Variants in SLC8A3 observed in about 807,000 individuals in gnomAD.
SLC8A3 encodes solute carrier family 8 member A3, also known as sodium/calcium exchanger 3.
A neutral mutation model predicts 65.4 loss-of-function variants in SLC8A3; 37 were observed. That is an observed-to-expected ratio of 0.57 (90% confidence interval 0.44 to 0.74). The LOEUF (loss-of-function observed/expected upper bound fraction) is 0.74, where lower values mean the gene tolerates loss of function less well. SLC8A3 is among the 30% of genes least tolerant of loss of function. SLC8A3 has a pLI of 0.00. For missense variants in SLC8A3, 1,112 were observed against 1,172.1 expected (o/e 0.95, Z 0.75); for synonymous variants, 461 against 444.5 (o/e 1.04, Z -0.47).
chr14:70,165,085 A>G (rs1038741067), intron 2 of SLC8A3, among the ~76,000 whole-genome samples: 3 of 152,220 alleles, frequency 2.0e-5, no homozygotes, highest in African/African-American at 4.8e-5. Context: ...GCTTATGTCT[A>G]TGGTTCAGAA....
chr14:70,095,212 T>A (rs1892087335), intron 2 of SLC8A3, among the ~76,000 whole-genome samples: 1 of 152,202 alleles, frequency 6.6e-6, no homozygotes, highest in African/African-American at 2.4e-5. Context: ...GCAAAGAGCT[T>A]TCTTTCATAA....
intron 2 of SLC8A3, among the ~76,000 whole-genome samples, chr14:70,089,723 G>A (rs1193012724): frequency 8.5e-5 from 13 of 152,162 alleles, no homozygotes; most frequent in African/African-American, 2.7e-4. Flanking sequence ...TCATTACACC[G>A]TCGAGCCATT....
chr14:70,084,141 T>C (rs1237310743), intron 2 of SLC8A3, among the ~76,000 whole-genome samples: 2 of 152,218 alleles, frequency 1.3e-5, no homozygotes, highest in African/African-American at 4.8e-5. Context: ...AACTAATTGC[T>C]GTTGTTGTGA....
chr14:70,118,408 C>A (rs1193732676), intron 2 of SLC8A3, among the ~76,000 whole-genome samples: 2 of 152,174 alleles, frequency 1.3e-5, no homozygotes, highest in African/African-American at 4.8e-5. Context: ...GGAACCTACC[C>A]AAATAAGCTC....
chr14:70,155,151 C>T (rs991670799), intron 2 of SLC8A3, among the ~76,000 whole-genome samples: 4 of 152,054 alleles, frequency 2.6e-5, no homozygotes, highest in African/African-American at 4.8e-5. Flanking sequence ...AAACTCCTGA[C>T]CTTAGGTGAT....
chr14:70,066,542 G>A (rs527661642), intron 2 of SLC8A3, among the ~76,000 whole-genome samples: 1 of 152,234 alleles, frequency 6.6e-6, no homozygotes, highest in Admixed American at 6.5e-5. Context: ...CCAGCGCGGT[G>A]CCTCACACCT....
intron 1 of SLC8A3, among the ~76,000 whole-genome samples, chr14:70,171,429 A>G (rs1897524729): frequency 1.3e-5 from 2 of 152,226 alleles, no homozygotes; most frequent in Admixed American, 1.3e-4. Flanking sequence ...GCAATGTGCT[A>G]TCATATGATC....
chr14:70,185,851 T>C (rs527595027), intron 1 of SLC8A3, among the ~76,000 whole-genome samples: 15 of 152,346 alleles, frequency 9.8e-5, no homozygotes, highest in African/African-American at 3.4e-4. Flanking sequence ...TGAGTGTTTA[T>C]GAGAAAAGGG....
Position 70,168,089 on chromosome 14 carries a change from C to T in SLC8A3, c.334G>A (p.Val112Met). The stretch of plus-strand genomic sequence containing the variant: ...TCTCCATTGGGTTTCTTAATTGTCA[C>T]CTCCCTCTCTTGAGAGGTGATGACT... ...IEVITSQERE[V>M]TIKKPNGETS... The change falls in exon 2 of 7, where the codon GTG (valine) becomes ATG (methionine). Residue 112 changes from valine (V) to methionine (M), a missense_variant. Coordinates refer to ENST00000356921, the MANE Select transcript of SLC8A3 (RefSeq NM_182932.3). 1.2e-6 allele frequency: 2 copies of T among 1,614,114 alleles called. No homozygotes were observed. Among genetic ancestry groups the T allele is most frequent in the African/African-American group, 1.3e-5 (1 of 75,018 alleles).
At chr14:70,092,498 A>G (rs1345914526) in intron 2 of SLC8A3, among the ~76,000 whole-genome samples, 6 of 152,134 alleles carry the variant, frequency 3.9e-5, no homozygotes, top group Non-Finnish European at 5.9e-5. Context: ...AGGTCTGGGT[A>G]TTATCACCTA....
At chr14:70,103,029 A>G (rs895605316) in intron 2 of SLC8A3, among the ~76,000 whole-genome samples, 3 of 152,084 alleles carry the variant, frequency 2.0e-5, no homozygotes, top group African/African-American at 7.2e-5. Flanking sequence ...GTTGATAACC[A>G]CAGATAAAGA....
In SLC8A3 at chr14:70,161,723, C is replaced by G. The variant is rs147662830; in HGVS notation, c.1784+4916G>C. On this transcript the variant is annotated intron_variant, in intron 2 of 6. Transcript: ENST00000356921. ...ATCTCCCTCTGTGGCCAGAAAGAGACTATCTTAAAACCTTGCTAAGCCAAA... is the reference window on the plus strand; with the variant it reads ...ATCTCCCTCTGTGGCCAGAAAGAGAGTATCTTAAAACCTTGCTAAGCCAAA... Among the ~76,000 whole-genome samples the G allele has an allele frequency of 2.5e-3, 382 of 152,288 alleles. 3 individuals are homozygous for G. Among genetic ancestry groups the G allele is most frequent in the African/African-American group, 8.9e-3 (370 of 41,550 alleles).
chr14:70,143,795 T>TC (rs536208198), intron 2 of SLC8A3, among the ~76,000 whole-genome samples: 2 of 151,908 alleles, frequency 1.3e-5, no homozygotes, highest in East Asian at 3.9e-4. Flanking sequence ...ACCCCTCTCT[T>TC]CCCCCCAGAG....
chr14:70,131,857 A>G (rs950931528), intron 2 of SLC8A3, among the ~76,000 whole-genome samples: 1 of 152,230 alleles, frequency 6.6e-6, no homozygotes, highest in South Asian at 2.1e-4. Context: ...TGAAGAGGCA[A>G]GAACAAGAGG....
At chr14:70,126,765 C>T (rs1894485103) in intron 2 of SLC8A3, among the ~76,000 whole-genome samples, 2 of 151,926 alleles carry the variant, frequency 1.3e-5, no homozygotes, top group African/African-American at 4.8e-5. Flanking sequence ...AATCCCAAAA[C>T]CCAAAATTGA....
At chr14:70,065,298 C>G (rs1889298200) in intron 2 of SLC8A3, among the ~76,000 whole-genome samples, 1 of 152,186 alleles carries the variant, frequency 6.6e-6, no homozygotes, top group Non-Finnish European at 1.5e-5. Context: ...AGAATCAGAT[C>G]TGGTCCTTTG....
At position 70,167,736 on chromosome 14, in the gene SLC8A3, G is replaced by A. The variant is rs1310607568; in HGVS notation, c.687C>T (p.Val229=). The change falls in exon 2 of 7, where the codon GTC becomes GTT. Residue 229 remains valine (V), a synonymous_variant. Transcript: ENST00000356921. ...MILAVFSPGV[V]QVWEGLLTLF... is the part of the protein sequence containing the mutation. ...GAGTGAGGAGGCCTTCCCAAACCTG[G>A]ACCACACCAGGGGAGAAGACTGCCA... 3.7e-6 allele frequency: 6 copies of A among 1,614,114 alleles called. No homozygotes were observed. The highest frequency in any genetic ancestry group is 3.3e-5 in the South Asian group (3 of 91,082).
At chr14:70,052,875 C>A (rs1169476753) in intron 3 of SLC8A3, among the ~76,000 whole-genome samples, 1 of 152,148 alleles carries the variant, frequency 6.6e-6, no homozygotes, top group Non-Finnish European at 1.5e-5. Flanking sequence ...ATCCTGTAGT[C>A]CTTGGATAAT....
intron 2 of SLC8A3, among the ~76,000 whole-genome samples, chr14:70,160,626 G>A (rs73276790): frequency 5.7e-4 from 86 of 152,210 alleles, no homozygotes; most frequent in African/African-American, 2.0e-3. Flanking sequence ...CAGGGCAGGG[G>A]CACTGGATAC....
Sources: gnomAD v4.1 joint callset for allele counts (sites outside exome capture counted in the v4.1 genomes callset) on GRCh38, gnomAD v4.1.1 for gene constraint, MANE v1.5 for transcripts, NCBI Gene and HGNC (gene_info 2026-07-23, HGNC 2026-07-21) for gene names.